NLGN4X: variants seen among roughly 807,000 people sequenced by gnomAD.
NLGN4X encodes the protein neuroligin-4, X-linked.
In NLGN4X, 3 loss-of-function variants were observed where a neutral mutation model predicts 40.3. The ratio of observed to expected loss-of-function variants is 0.07; its 90% CI spans 0.03 to 0.19. NLGN4X has a LOEUF of 0.19. NLGN4X is among the 10% of genes least tolerant of loss of function. The pLI is 1.00. For missense variants in NLGN4X, 382 were observed against 708.3 expected (o/e 0.54, Z 5.23); for synonymous variants, 270 against 306.8 (o/e 0.88, Z 1.25).
At chrX:6,159,042 C>T (rs1458427213) in intron 1 of NLGN4X, among the ~76,000 whole-genome samples, 2 of 112,359 alleles carry the variant, frequency 1.8e-5, no homozygotes, top group Non-Finnish European at 3.8e-5. Flanking sequence ...CTTTACAAAA[C>T]AGTCAAAAAT....
intron 5 of NLGN4X, among the ~76,000 whole-genome samples, chrX:5,900,615 C>G (rs1251390758): frequency 1.1e-5 from 1 of 93,024 alleles, no homozygotes; most frequent in African/African-American, 4.0e-5. Flanking sequence ...GGTCTGTCAC[C>G]CAGGTTGGAG....
intron 2 of NLGN4X, among the ~76,000 whole-genome samples, chrX:6,053,932 T>C: frequency 8.9e-6 from 1 of 112,255 alleles, no homozygotes; most frequent in South Asian, 3.7e-4. Context: ...GGTCCTTTCT[T>C]TTATCATTAC....
At chrX:6,032,851 G>GA in intron 2 of NLGN4X, 2 of 435,605 alleles carry the variant, frequency 4.6e-6, no homozygotes, top group Non-Finnish European at 7.1e-6. Context: ...CCCAGAAAAA[G>GA]AAAAAAAGAA....
chrX:5,890,500 ATAC>A lies in NLGN4X; in HGVS notation c.*2314_*2316del, dbSNP rs918467182. ...TATTGCTAGCAGGAGACAACTGGAA[ATAC>A]TAAACAAATACTGGAATTCACATTA... On this transcript the variant is annotated 3_prime_UTR_variant, in exon 6 of 6. Transcript: ENST00000381095. 9.8e-6 allele frequency: 3 copies of A among 304,889 alleles called. No homozygotes were observed. Among genetic ancestry groups the A allele is most frequent in the African/African-American group, 8.1e-5 (3 of 36,935 alleles). 25.1% of individuals were successfully genotyped at this position (304,889 alleles called of 1,213,427 possible). A position where few individuals can be genotyped will look rare whatever the true frequency, so the allele number is the denominator to read the frequency against.
At chrX:6,091,186 T>C (rs1441793241) in intron 2 of NLGN4X, among the ~76,000 whole-genome samples, 1 of 111,135 alleles carries the variant, frequency 9.0e-6, no homozygotes, top group Non-Finnish European at 1.9e-5. Context: ...TGATATGTGC[T>C]ATAACAAGTT....
intron 1 of NLGN4X, among the ~76,000 whole-genome samples, chrX:6,180,645 A>G (rs114791571): frequency 0.012 from 1,312 of 111,450 alleles, 25 homozygotes; most frequent in African/African-American, 0.041. Flanking sequence ...AATGCTGGGT[A>G]TGAGAGTTGA....
intron 2 of NLGN4X, among the ~76,000 whole-genome samples, chrX:6,141,632 A>G (rs2039948991): frequency 9.1e-6 from 1 of 110,306 alleles, no homozygotes; most frequent in Non-Finnish European, 1.9e-5. Context: ...GAGCCTGGCT[A>G]ACATGGTGAA....
At chrX:6,096,998 T>C (rs1048275066) in intron 2 of NLGN4X, among the ~76,000 whole-genome samples, 1 of 110,200 alleles carries the variant, frequency 9.1e-6, no homozygotes, top group African/African-American at 3.3e-5. Flanking sequence ...ATCTTTCATC[T>C]ATTGTGGTAA....
intron 2 of NLGN4X, among the ~76,000 whole-genome samples, chrX:6,036,608 G>GCACACACA (rs202140186): frequency 7.3e-4 from 55 of 75,660 alleles, no homozygotes; most frequent in African/African-American, 2.1e-3. Flanking sequence ...CTTGTGGCTG[G>GCACACACA]CGCACACACA....
chrX:6,146,423 C>T (rs767232375), intron 2 of NLGN4X, among the ~76,000 whole-genome samples: 1 of 111,962 alleles, frequency 8.9e-6, no homozygotes, highest in East Asian at 2.8e-4. Context: ...TTCTTTGTTC[C>T]CTAACTAGGA....
intron 2 of NLGN4X, among the ~76,000 whole-genome samples, chrX:6,127,256 T>C (rs774766701): frequency 1.8e-5 from 2 of 112,135 alleles, no homozygotes; most frequent in Non-Finnish European, 3.8e-5. Flanking sequence ...CTTAATTACA[T>C]TTCTCAAGTT....
intron 3 of NLGN4X, among the ~76,000 whole-genome samples, chrX:5,985,266 T>A (rs1199711849): frequency 9.0e-6 from 1 of 110,511 alleles, no homozygotes; most frequent in African/African-American, 3.3e-5. Context: ...GTCTTTTATT[T>A]CTTTATTTTC....
At chrX:6,124,932 A>G in intron 2 of NLGN4X, among the ~76,000 whole-genome samples, 1 of 112,502 alleles carries the variant, frequency 8.9e-6, no homozygotes. Flanking sequence ...ATTCAGCACT[A>G]TATTCTATCG....
chrX:5,925,897 T>TATACATACAC (rs2033282983), intron 3 of NLGN4X, among the ~76,000 whole-genome samples: 2 of 19,145 alleles, frequency 1.0e-4, no homozygotes, highest in Non-Finnish European at 1.6e-4. Flanking sequence ...TATATATATA[T>TATACATACAC]ATATATATAT....
At chrX:5,914,620 A>G (rs201634906) in intron 3 of NLGN4X, among the ~76,000 whole-genome samples, 7 of 13,240 alleles carry the variant, frequency 5.3e-4, no homozygotes, top group Admixed American at 1.1e-3. Flanking sequence ...ATATGTATGT[A>G]TATATATATA....
chrX:6,017,828 T>C (rs2036431113), intron 3 of NLGN4X, among the ~76,000 whole-genome samples: 1 of 111,192 alleles, frequency 9.0e-6, no homozygotes, highest in Non-Finnish European at 1.9e-5. Context: ...CAACACTTTA[T>C]TTATAAAATA....
chrX:6,042,461 T>A (rs1340037250), intron 2 of NLGN4X, among the ~76,000 whole-genome samples: 1 of 107,324 alleles, frequency 9.3e-6, no homozygotes, highest in Non-Finnish European at 1.9e-5. Flanking sequence ...TCCCATTTTT[T>A]TTTTAGAATT....
At chrX:6,160,271 C>T (rs1365216804) in intron 1 of NLGN4X, among the ~76,000 whole-genome samples, 1 of 111,731 alleles carries the variant, frequency 9.0e-6, no homozygotes, top group Non-Finnish European at 1.9e-5. Flanking sequence ...CAAATATATA[C>T]ACCTACTATG....
intron 3 of NLGN4X, among the ~76,000 whole-genome samples, chrX:5,920,100 G>A (rs1302360145): frequency 8.9e-6 from 1 of 111,833 alleles, no homozygotes; most frequent in Non-Finnish European, 1.9e-5. Context: ...AGGTGGAAAT[G>A]AAAGGAAATG....
Sources: allele counts gnomAD v4.1 joint callset (sites outside exome capture counted in the v4.1 genomes callset), GRCh38; gene constraint gnomAD v4.1.1; transcripts MANE v1.5; gene names NCBI Gene and HGNC (gene_info 2026-07-23, HGNC 2026-07-21).